The following SHLD1 variants were observed in gnomAD, a reference collection of about 807,000 sequenced individuals.
SHLD1 encodes the protein shieldin complex subunit 1.
Under a neutral mutation model 5.5 loss-of-function variants are expected in SHLD1, and 3 were observed. The observed-to-expected ratio is 0.54, with a 90% CI of 0.25 to 1.40. The LOEUF (loss-of-function observed/expected upper bound fraction) is 1.40. SHLD1 is among the 40% of genes most tolerant of loss of function. The pLI, the probability that SHLD1 is intolerant of heterozygous loss-of-function variation, is 0.15. For missense variants in SHLD1, 210 were observed against 244.4 expected, an observed-to-expected ratio of 0.86 and a Z score of 0.94; for synonymous variants, 92 against 94.3, an observed-to-expected ratio of 0.98 and a Z score of 0.14.
chr20:5,838,269 G>T (rs1035371090), intron 2 of SHLD1, among the ~76,000 whole-genome samples: 10 of 152,284 alleles, frequency 6.6e-5, no homozygotes, highest in African/African-American at 1.9e-4. Context: ...TATCATATAT[G>T]AGCATATTAA....
rs533940644 is a variant in SHLD1 at position 5,816,835 on chromosome 20, C to T, written c.178+43792C>T. Among the ~76,000 whole-genome samples the T allele has an allele frequency of 2.4e-4, 36 of 152,212 alleles. No individual in the cohort carries two copies. The South Asian group carries it at 6.6e-3, about 28-fold the overall frequency. ...CTGTAATCTCAGCACTTTGGGAGGC[C>T]GAGGCGGGTGGTTCACTTGAGCTCA... On this transcript the variant is annotated intron_variant, in intron 2 of 2. Transcript: ENST00000303142.
chr20:5,784,075 C>T (rs572244352), intron 2 of SHLD1, among the ~76,000 whole-genome samples: 80 of 151,460 alleles, frequency 5.3e-4, no homozygotes, highest in Non-Finnish European at 1.0e-3. Context: ...TGCTTGAACC[C>T]GGGAGGCGGA....
chr20:5,854,529 A>T (rs7361356), intron 2 of SHLD1, among the ~76,000 whole-genome samples: 4,143 of 152,324 alleles, frequency 0.027, 180 homozygotes, highest in African/African-American at 0.094. Context: ...CTAGCAGAAC[A>T]CAGAAACCCA....
chr20:5,750,709 GT>G (rs149517220), intron 1 of SHLD1, among the ~76,000 whole-genome samples: 6 of 150,984 alleles, frequency 4.0e-5, no homozygotes, highest in East Asian at 3.9e-4. Context: ...CGGTTTTGTT[GT>G]TTTTTTTTAA....
chr20:5,754,505 G>A (rs978280347), intron 1 of SHLD1, among the ~76,000 whole-genome samples: 13 of 152,090 alleles, frequency 8.5e-5, no homozygotes, highest in Admixed American at 3.3e-4. Flanking sequence ...CTTTCCCATT[G>A]TTGATGAAAA....
intron 2 of SHLD1, among the ~76,000 whole-genome samples, chr20:5,838,234 C>T (rs2087813244): frequency 6.6e-6 from 1 of 151,994 alleles, no homozygotes; most frequent in South Asian, 2.1e-4. Context: ...AGGATGTCAA[C>T]ACATAATGTC....
chr20:5,858,319 G>A (rs1170265158), intron 2 of SHLD1, among the ~76,000 whole-genome samples: 1 of 152,016 alleles, frequency 6.6e-6, no homozygotes, highest in African/African-American at 2.4e-5. Flanking sequence ...AATGTTTCAC[G>A]GAGATGAAAC....
chr20:5,820,737 A>G (rs1037362795), intron 2 of SHLD1, among the ~76,000 whole-genome samples: 1 of 152,252 alleles, frequency 6.6e-6, no homozygotes, highest in Non-Finnish European at 1.5e-5. Context: ...CTCACAGGGA[A>G]AAGTTTTATT....
intron 2 of SHLD1, among the ~76,000 whole-genome samples, chr20:5,801,912 C>T (rs950395018): frequency 1.3e-5 from 2 of 151,400 alleles, no homozygotes; most frequent in Non-Finnish European, 2.9e-5. Context: ...TATAAAGTTC[C>T]GTGTTCAAAA....
At chr20:5,845,411 C>T (rs898522631) in intron 2 of SHLD1, among the ~76,000 whole-genome samples, 5 of 152,176 alleles carry the variant, frequency 3.3e-5, no homozygotes, top group African/African-American at 1.2e-4. Context: ...TGCTAGGACT[C>T]AAACTCAAGG....
chr20:5,752,987 G>T (rs957886381), intron 1 of SHLD1, among the ~76,000 whole-genome samples: 2 of 152,062 alleles, frequency 1.3e-5, no homozygotes, highest in Non-Finnish European at 2.9e-5. Flanking sequence ...GTAGAGATGG[G>T]GGGGTTTCAC....
At chr20:5,849,682 G>A (rs552873385) in intron 2 of SHLD1, among the ~76,000 whole-genome samples, 12 of 152,170 alleles carry the variant, frequency 7.9e-5, no homozygotes, top group Non-Finnish European at 1.2e-4. Context: ...TTGAGGGGCC[G>A]GGCGCGGTGG....
At chr20:5,839,916 C>T (rs1033152235) in intron 2 of SHLD1, among the ~76,000 whole-genome samples, 10 of 152,090 alleles carry the variant, frequency 6.6e-5, no homozygotes, top group African/African-American at 1.4e-4. Context: ...GTTGTCCCTG[C>T]GCCCCCACAA....
chr20:5,781,916 A>G (rs139558869), intron 2 of SHLD1, among the ~76,000 whole-genome samples: 58 of 152,284 alleles, frequency 3.8e-4, no homozygotes, highest in African/African-American at 1.3e-3. Flanking sequence ...CAATATTTCA[A>G]CAACCGGCAC....
intron 2 of SHLD1, among the ~76,000 whole-genome samples, chr20:5,849,752 G>T (rs920638228): frequency 6.6e-6 from 1 of 151,470 alleles, no homozygotes; most frequent in Non-Finnish European, 1.5e-5. Flanking sequence ...GAGGTCAGGA[G>T]ATCGAGACCA....
chr20:5,861,018 C>T (rs2122515045), intron 2 of SHLD1, among the ~76,000 whole-genome samples: 1 of 152,330 alleles, frequency 6.6e-6, no homozygotes, highest in East Asian at 1.9e-4. Flanking sequence ...TGGGTGCCCC[C>T]TGGCCATTCT....
chr20:5,863,199 T>A lies in SHLD1; in HGVS notation c.354T>A (p.Ser118=), dbSNP rs1175900869. Residue 118 remains serine (S), a synonymous_variant, in exon 3 of 3, where the codon TCT becomes TCA. Transcript: ENST00000303142. ...AGCCAGGCTCTGCAAACTCACTCTC[T>A]GCATCTGTCTGCAAGTGCCTGTCTC... is the stretch of plus-strand genomic sequence containing the variant. The part of the protein sequence containing the change: ...HPQPGSANSL[S]ASVCKCLSQK... 2.5e-6 allele frequency: 4 copies of A among 1,614,188 alleles called. No homozygotes were observed. The highest frequency in any genetic ancestry group is 3.4e-6 in the Non-Finnish European group (4 of 1,180,022).
At chr20:5,821,267 C>T (rs753915178) in intron 2 of SHLD1, among the ~76,000 whole-genome samples, 13 of 152,146 alleles carry the variant, frequency 8.5e-5, no homozygotes, top group Non-Finnish European at 8.8e-5. Flanking sequence ...AATCCCAGCA[C>T]TTTGGGAGGC....
rs1211451691 is a variant in SHLD1 at position 5,764,139 on chromosome 20, A to AT, written c.-4-8723_-4-8722insT. 6.9e-3 allele frequency among the ~76,000 whole-genome samples: 662 copies of AT among 95,684 alleles called. 26 individuals are homozygous for AT. Among genetic ancestry groups the AT allele is most frequent in the African/African-American group, 0.022 (459 of 20,952 alleles). 62.8% of individuals were successfully genotyped at this position (95,684 alleles called of 152,430 possible). ...AAGGCTCTGTCTCAAAAAAAAAAAA[A>AT]ATATATATATATTTATATTTATATA... is the stretch of plus-strand genomic sequence containing the variant. On this transcript the variant is annotated intron_variant, in intron 1 of 2. Transcript: ENST00000303142.
Sources: gnomAD v4.1 joint callset for allele counts (sites outside exome capture counted in the v4.1 genomes callset) on GRCh38, gnomAD v4.1.1 for gene constraint, MANE v1.5 for transcripts, NCBI Gene and HGNC (gene_info 2026-07-23, HGNC 2026-07-21) for gene names.